The following USP6 variants were observed in gnomAD, a reference collection of about 807,000 sequenced individuals.
The protein encoded by USP6 is ubiquitin carboxyl-terminal hydrolase 6.
Under a neutral mutation model 175.7 loss-of-function variants are expected in USP6, and 128 were observed. The ratio of observed to expected loss-of-function variants is 0.73; its 90% CI spans 0.63 to 0.84. The LOEUF (loss-of-function observed/expected upper bound fraction) is 0.84, where lower values mean the gene tolerates loss of function less well. Among genes scored for constraint, USP6 ranks in the 40% least tolerant of loss-of-function variants. The pLI is 0.00. For missense variants in USP6, 1,498 were observed against 1,760.3 expected, an observed-to-expected ratio of 0.85 and a Z score of 2.67; for synonymous variants, 562 against 630.6, an observed-to-expected ratio of 0.89 and a Z score of 1.63.
chr17:5,148,476 C>T (rs1332070553), intron 29 of USP6, 80 bp from the exon 30 acceptor site: 59 of 1,500,860 alleles, frequency 3.9e-5, no homozygotes, highest in South Asian at 9.6e-5. Flanking sequence ...CACTGTCTCT[C>T]GTCCTCAGGA....
At chr17:5,137,887 G>C (rs1404985276) in intron 20 of USP6, 137 bp downstream of exon 20, 38 of 1,557,496 alleles carry the variant, frequency 2.4e-5, no homozygotes, top group Non-Finnish European at 3.2e-5. Flanking sequence ...GGGCTGGGCA[G>C]GGCACTGTGA....
In USP6 at chr17:5,163,017, G is replaced by A; in HGVS notation, c.3036+13G>A. The A allele has an allele frequency of 1.3e-6, 2 of 1,538,536 alleles. No homozygotes were observed. Among genetic ancestry groups the A allele is most frequent in the Non-Finnish European group, 8.7e-7 (1 of 1,149,544 alleles). ...ATCCCAGGAAAGGGTAAGAATTTAG[G>A]GCCACCGTAAAATGGTGGTTTTTAT... On this transcript the variant is annotated intron_variant, in intron 33 of 37. Transcript: ENST00000574788.
chr17:5,136,939 C>G (rs1408272390), intron 18 of USP6, among the ~76,000 whole-genome samples, 182 bp from the exon 19 acceptor site: 1 of 152,202 alleles, frequency 6.6e-6, no homozygotes, highest in African/African-American at 2.4e-5. Flanking sequence ...GGGGGCCCAG[C>G]TCCTGCAGAG....
chr17:5,148,586 T>C lies in USP6; in HGVS notation c.2462T>C (p.Met821Thr), dbSNP rs997514154. The C allele has an allele frequency of 4.3e-6, 7 of 1,613,872 alleles. No individual in the cohort carries two copies. In the African/African-American group the frequency reaches 8.0e-5, roughly 18 times the overall value. Residue 821 changes from methionine to threonine, a missense_variant, in exon 30 of 38, where the codon ATG becomes ACG. By Grantham distance (81) the Met-to-Thr change is moderately conservative. This residue lies in a region of USP6 where 1,217 missense variants were observed against 1,500.8 expected (regional missense o/e 0.81). Coordinates refer to ENST00000574788, the MANE Select transcript of USP6 (RefSeq NM_001304284.2). Reference sequence around the variant, plus strand: ...TCCTCTTCACCATCTACAAATGGAATGTTCACCCTAACTACCAATGGGGAC... The same window carrying C: ...TCCTCTTCACCATCTACAAATGGAACGTTCACCCTAACTACCAATGGGGAC... ...DFSSSPSTNG[M>T]FTLTTNGDLP...
chr17:5,150,732 A>T (rs2073747756), intron 30 of USP6, among the ~76,000 whole-genome samples: 1 of 152,024 alleles, frequency 6.6e-6, no homozygotes, highest in South Asian at 2.1e-4. Context: ...TGACCTCGTG[A>T]TCTGCCTGCC....
At chr17:5,172,333 C>T (rs1178946985) in intron 37 of USP6, among the ~76,000 whole-genome samples, 3 of 151,928 alleles carry the variant, frequency 2.0e-5, no homozygotes, top group East Asian at 1.9e-4. Flanking sequence ...AGATAGAGGC[C>T]ATCCTGGCTA....
intron 32 of USP6, among the ~76,000 whole-genome samples, chr17:5,162,410 A>G (rs1352626701): frequency 6.6e-6 from 1 of 152,152 alleles, no homozygotes; most frequent in Non-Finnish European, 1.5e-5. Context: ...AGCCTCCCAA[A>G]GTGCTGGGAT....
intron 31 of USP6, among the ~76,000 whole-genome samples, chr17:5,158,576 AGAGG>A (rs1252472743): frequency 7.2e-6 from 1 of 138,806 alleles, no homozygotes; most frequent in African/African-American, 2.8e-5. Flanking sequence ...CAAAAGAGAG[AGAGG>A]GAGAGAGAGA....
chr17:5,142,295 CA>C, intron 24 of USP6, 101 bp from the exon 25 acceptor site: 1 of 1,540,850 alleles, frequency 6.5e-7, no homozygotes, highest in Non-Finnish European at 8.8e-7. Context: ...TCTCTTGTTT[CA>C]AAAAGAAAAG....
rs140256080 is a variant in USP6, at chr17:5,141,988, T to C, written c.1574-15T>C. On this transcript the variant is annotated splice_polypyrimidine_tract_variant and intron_variant, in intron 23 of 37. Transcript: ENST00000574788. The stretch of plus-strand genomic sequence containing the variant: ...TACTACAGCTAAGCTTTGGTTCTCA[T>C]ATTGTTTGTTCCAGTTCCCACAGAA... 0.11 allele frequency: 182,592 copies of C among 1,607,532 alleles called. 11,381 individuals are homozygous for C. Among genetic ancestry groups the C allele is most frequent in the Non-Finnish European group, 0.13 (153,445 of 1,177,752 alleles).
At chr17:5,169,445 T>C (rs2074165733) in intron 35 of USP6, among the ~76,000 whole-genome samples, 1 of 152,170 alleles carries the variant, frequency 6.6e-6, no homozygotes, top group Non-Finnish European at 1.5e-5. Flanking sequence ...TTTTATTTTT[T>C]GTTTTTTTGA....
intron 30 of USP6, among the ~76,000 whole-genome samples, chr17:5,153,718 C>T (rs1206574076): frequency 3.9e-5 from 6 of 151,918 alleles, no homozygotes; most frequent in South Asian, 2.1e-4. Context: ...TGCAATGGCA[C>T]GATCTCGGCT....
chr17:5,147,053 C>T, intron 28 of USP6, 30 bp from the exon 29 acceptor site: 1 of 1,583,136 alleles, frequency 6.3e-7, no homozygotes. Context: ...GAAACATCTC[C>T]CCCTTCTCAT....
intron 31 of USP6, among the ~76,000 whole-genome samples, chr17:5,156,455 C>T (rs2073887438): frequency 6.6e-6 from 1 of 151,662 alleles, no homozygotes; most frequent in South Asian, 2.1e-4. Context: ...TACAGGCATG[C>T]ACCACCATGC....
chr17:5,162,794 A>G lies in USP6; in HGVS notation c.2916-90A>G, dbSNP rs554824737. On this transcript the variant is annotated intron_variant, in intron 32 of 37. Transcript: ENST00000574788. ...ATTGTGAGGCCCAAGAGGAAAGCAG[A>G]AAAGTAGGAAGGGAGAATATTTTTT... 6 of 1,528,360 alleles carry G rather than the reference A, an allele frequency of 3.9e-6. No individual in the cohort carries two copies. The Admixed American group carries it at 1.5e-4, about 37-fold the overall frequency. The allele number at this position is 1,528,360 out of a possible 1,614,324, so 94.7% of individuals were successfully genotyped here. A position where few individuals can be genotyped will look rare whatever the true frequency, so the allele number is the denominator to read the frequency against.
At chr17:5,121,118 C>T (rs1015635655) in intron 3 of USP6, among the ~76,000 whole-genome samples, 45 of 152,182 alleles carry the variant, frequency 3.0e-4, no homozygotes, top group African/African-American at 1.0e-3. Flanking sequence ...GTCCTAGGGA[C>T]AGCAATAGGT....
rs2074132733 is a variant in USP6 at position 5,168,063 on chromosome 17, G to A, written c.3168G>A (p.Lys1056=). Residue 1056 remains lysine (K), a synonymous_variant, in exon 34 of 38, where the codon AAG becomes AAA. Coordinates refer to ENST00000574788, the MANE Select transcript of USP6 (RefSeq NM_001304284.2). ...LGESEMYYCS[K]CKTHCLATKK... ...AAAGTGAGATGTACTACTGTTCCAA[G>A]TGTAAGACCCACTGCTTAGCAACAA... 1 of 1,611,864 alleles carries A rather than the reference G, an allele frequency of 6.2e-7. No individual in the cohort carries two copies. Among genetic ancestry groups the A allele is most frequent in the African/African-American group, 1.3e-5 (1 of 74,848 alleles).
intron 30 of USP6, 102 bp from the exon 31 acceptor site, chr17:5,155,320 T>C: frequency 7.5e-7 from 1 of 1,340,026 alleles, no homozygotes; most frequent in Non-Finnish European, 1.0e-6. Flanking sequence ...TAGTGACTAA[T>C]TTGAAATGGT....
At chr17:5,117,533 G>C (rs1377887161) in intron 1 of USP6, among the ~76,000 whole-genome samples, 2 of 147,004 alleles carry the variant, frequency 1.4e-5, no homozygotes, top group Admixed American at 6.8e-5. Flanking sequence ...AAAAAAAAAA[G>C]CTCAATAAAT....
Sources: gnomAD v4.1 joint callset for allele counts (sites outside exome capture counted in the v4.1 genomes callset) on GRCh38, gnomAD v4.1.1 for gene constraint, gnomAD v4.1.1 regional missense constraint, MANE v1.5 for transcripts, NCBI Gene and HGNC (gene_info 2026-07-23, HGNC 2026-07-21) for gene names.